The following SPAG16 variants were observed in gnomAD, a reference collection of about 807,000 sequenced individuals.
SPAG16 encodes sperm-associated antigen 16 protein.
SPAG16 carries 86 observed loss-of-function variants against 80.4 expected under a neutral mutation model. The observed-to-expected ratio is 1.07, with a 90% confidence interval of 0.90 to 1.28. SPAG16 has a LOEUF of 1.28. Ranked by LOEUF, SPAG16 falls within the 50% of genes most tolerant of loss-of-function variation. SPAG16 has a pLI of 0.00. For synonymous variants in SPAG16, 294 were observed against 265.9 expected (o/e 1.11, Z -1.03); for missense variants, 870 against 765.3 (o/e 1.14, Z -1.61).
chr2:214,337,987 T>C (rs1053813169), intron 15 of SPAG16, among the ~76,000 whole-genome samples: 1 of 152,182 alleles, frequency 6.6e-6, no homozygotes, highest in East Asian at 1.9e-4. Flanking sequence ...GTAGAGATGA[T>C]GAGATATTTA....
At chr2:214,161,418 A>G (rs369439691) in intron 15 of SPAG16, among the ~76,000 whole-genome samples, 4 of 152,248 alleles carry the variant, frequency 2.6e-5, no homozygotes, top group African/African-American at 9.6e-5. Context: ...CATTCCCACC[A>G]ACAGTGTAAA....
intron 11 of SPAG16, among the ~76,000 whole-genome samples, chr2:213,926,388 A>G (rs6435805): frequency 2.0e-5 from 3 of 152,086 alleles, no homozygotes; most frequent in East Asian, 1.9e-4. Context: ...CCCTCGCCCC[A>G]CTTCCATTCC....
chr2:213,620,454 G>C (rs574532831), intron 10 of SPAG16, among the ~76,000 whole-genome samples: 3 of 151,594 alleles, frequency 2.0e-5, no homozygotes, highest in African/African-American at 7.3e-5. Flanking sequence ...CACCACGCCC[G>C]GCTAATTTTT....
chr2:213,316,901 T>C (rs1039815649), intron 4 of SPAG16, among the ~76,000 whole-genome samples: 6 of 152,002 alleles, frequency 3.9e-5, no homozygotes, highest in South Asian at 2.1e-4. Flanking sequence ...ATAGAACTTA[T>C]CACCCTCCCC....
chr2:214,184,593 G>A (rs987986061), intron 15 of SPAG16, among the ~76,000 whole-genome samples: 4 of 151,966 alleles, frequency 2.6e-5, no homozygotes, highest in Non-Finnish European at 4.4e-5. Flanking sequence ...ATTACTTAAG[G>A]GGGAATCTGC....
intron 9 of SPAG16, among the ~76,000 whole-genome samples, chr2:213,409,116 G>GT (rs71060431): frequency 0.31 from 46,135 of 146,630 alleles, 7,433 homozygotes; most frequent in Middle Eastern, 0.48. Flanking sequence ...TAAATTAACT[G>GT]TTTTTTTTTT....
chr2:213,645,476 G>A (rs1012373635), intron 10 of SPAG16, among the ~76,000 whole-genome samples: 1 of 152,018 alleles, frequency 6.6e-6, no homozygotes, highest in Non-Finnish European at 1.5e-5. Flanking sequence ...GATGAATGCT[G>A]TCAGGACTGA....
rs929356004 is a variant in SPAG16, at chr2:213,947,219, C to T, written c.1400+17074C>T. ...TCTCTAGGATATGTGTCCATGAATGCAGTTCCTGGGTTGTATGTTAAATAT... is the reference window on the plus strand; with the variant it reads ...TCTCTAGGATATGTGTCCATGAATGTAGTTCCTGGGTTGTATGTTAAATAT... On this transcript the variant is annotated intron_variant, in intron 12 of 15. Transcript: ENST00000331683. Among the ~76,000 whole-genome samples, 4 of 152,214 alleles carry T rather than the reference C, an allele frequency of 2.6e-5. 1 individual carries two copies. The highest frequency in any genetic ancestry group is 4.1e-4 in the South Asian group (2 of 4,828).
At chr2:213,780,812 T>A (rs1399683399) in intron 10 of SPAG16, among the ~76,000 whole-genome samples, 1 of 152,264 alleles carries the variant, frequency 6.6e-6, no homozygotes, top group East Asian at 1.9e-4. Flanking sequence ...TTATAAATAC[T>A]TGGCTATCTA....
intron 15 of SPAG16, among the ~76,000 whole-genome samples, chr2:214,247,280 C>G (rs1350338148): frequency 2.0e-5 from 3 of 151,636 alleles, no homozygotes; most frequent in Non-Finnish European, 4.4e-5. Flanking sequence ...TTAGGATATT[C>G]TTTTATATCT....
intron 9 of SPAG16, among the ~76,000 whole-genome samples, chr2:213,485,701 T>C (rs551447975): frequency 3.9e-5 from 6 of 152,152 alleles, no homozygotes; most frequent in Non-Finnish European, 7.3e-5. Flanking sequence ...GAATGCCTGA[T>C]TGAATAATTT....
At chr2:213,831,668 C>T (rs1013837756) in intron 10 of SPAG16, among the ~76,000 whole-genome samples, 1 of 152,110 alleles carries the variant, frequency 6.6e-6, no homozygotes, top group Non-Finnish European at 1.5e-5. Flanking sequence ...ACACTAAAGC[C>T]TGCAAATCCC....
chr2:213,389,994 G>A (rs999281191), intron 9 of SPAG16, among the ~76,000 whole-genome samples: 2 of 152,146 alleles, frequency 1.3e-5, no homozygotes, highest in East Asian at 3.8e-4. Context: ...GTGTTCATTG[G>A]CAGCTGAAGG....
intron 10 of SPAG16, among the ~76,000 whole-genome samples, chr2:213,725,736 G>C (rs1284141040): frequency 7.2e-5 from 11 of 152,232 alleles, no homozygotes; most frequent in Admixed American, 7.2e-4. Flanking sequence ...TGTTTAAGAA[G>C]TTTGGCTCAG....
At chr2:214,221,040 G>A (rs546398629) in intron 15 of SPAG16, among the ~76,000 whole-genome samples, 5 of 152,052 alleles carry the variant, frequency 3.3e-5, no homozygotes, top group South Asian at 2.1e-4. Flanking sequence ...TAATTCTAAC[G>A]GAGTGTCACA....
chr2:214,306,753 A>AAGT (rs1344869916), intron 15 of SPAG16, among the ~76,000 whole-genome samples: 1 of 151,970 alleles, frequency 6.6e-6, no homozygotes, highest in African/African-American at 2.4e-5. Flanking sequence ...AAACTTCCTG[A>AAGT]TGTGCTGCTA....
intron 12 of SPAG16, among the ~76,000 whole-genome samples, chr2:214,010,585 AC>A (rs2124937790): frequency 6.8e-6 from 1 of 146,810 alleles, no homozygotes; most frequent in East Asian, 2.0e-4. Context: ...GACTAGACTG[AC>A]CTCAGACTTT....
intron 9 of SPAG16, among the ~76,000 whole-genome samples, chr2:213,459,000 C>T (rs967871642): frequency 1.3e-5 from 2 of 152,170 alleles, no homozygotes; most frequent in Non-Finnish European, 2.9e-5. Context: ...TAAAATATTG[C>T]TTGCTTCTTC....
intron 13 of SPAG16, among the ~76,000 whole-genome samples, chr2:214,014,444 G>A (rs1218033344): frequency 6.6e-6 from 1 of 152,162 alleles, no homozygotes; most frequent in Non-Finnish European, 1.5e-5. Context: ...TGAGACATGC[G>A]TTAATAAAAT....
Sources: gnomAD v4.1 joint callset for allele counts (sites outside exome capture counted in the v4.1 genomes callset) on GRCh38, gnomAD v4.1.1 for gene constraint, MANE v1.5 for transcripts, NCBI Gene and HGNC (gene_info 2026-07-23, HGNC 2026-07-21) for gene names.